Variants in ANO6 observed in about 807,000 individuals in gnomAD.
The protein encoded by ANO6 is anoctamin 6.
Under a neutral mutation model 117.5 loss-of-function variants are expected in ANO6, and 106 were observed. The observed-to-expected ratio is 0.90, with a 90% CI of 0.77 to 1.06. ANO6 has a LOEUF of 1.06. Among genes scored for constraint, ANO6 ranks in the 50% least tolerant of loss-of-function variants. ANO6 has a pLI of 0.00. For missense variants in ANO6, 955 were observed against 1,121.1 expected, an observed-to-expected ratio of 0.85 and a Z score of 2.12; for synonymous variants, 367 against 385.1, an observed-to-expected ratio of 0.95 and a Z score of 0.55.
intron 1 of ANO6, among the ~76,000 whole-genome samples, chr12:45,232,044 C>T (rs927461226): frequency 6.6e-6 from 1 of 152,184 alleles, no homozygotes; most frequent in African/African-American, 2.4e-5. Flanking sequence ...AAGCCCACTA[C>T]TTTTTGAAAA....
chr12:45,273,212 C>A (rs1419600271), intron 1 of ANO6, among the ~76,000 whole-genome samples: 1 of 152,050 alleles, frequency 6.6e-6, no homozygotes, highest in East Asian at 1.9e-4. Context: ...TTCTGGGGAT[C>A]TAATGTACAG....
chr12:45,238,846 T>C (rs1434162249), intron 1 of ANO6, among the ~76,000 whole-genome samples: 1 of 152,236 alleles, frequency 6.6e-6, no homozygotes, highest in Admixed American at 6.5e-5. Context: ...ATTACGTTTA[T>C]TGATTTGTGT....
At position 45,357,293 on chromosome 12, in the gene ANO6, A is replaced by C. The variant is rs1941435644; in HGVS notation, c.867A>C (p.Lys289Asn). Reference sequence around the variant, plus strand: ...AATAATTTCTGTCTTTCTTCAGGAAATACTATGGAGAGAAGATTGGAATCT... The same window carrying C: ...AATAATTTCTGTCTTTCTTCAGGAACTACTATGGAGAGAAGATTGGAATCT... ...YKKQPLDLIR[K>N]YYGEKIGIYF... The change falls in exon 8 of 20, where the codon AAA becomes AAC. Residue 289 changes from lysine (K) to asparagine (N), a missense_variant. By Grantham distance (94) the Lys-to-Asn change is moderately conservative. Coordinates refer to ENST00000320560, the MANE Select transcript of ANO6 (RefSeq NM_001025356.3). 1 of 1,613,636 alleles carries C rather than the reference A, an allele frequency of 6.2e-7. No homozygotes were observed. Among genetic ancestry groups the C allele is most frequent in the Non-Finnish European group, 8.5e-7 (1 of 1,179,972 alleles).
At chr12:45,292,912 C>A (rs1422793862) in intron 1 of ANO6, 1 of 1,551,314 alleles carries the variant, frequency 6.4e-7, no homozygotes, top group Admixed American at 2.0e-5. Context: ...TTTTGTTCTG[C>A]TGTGGAATGT....
At chr12:45,402,977 T>C in intron 13 of ANO6, 95 bp from the exon 14 acceptor site, 1 of 1,132,510 alleles carries the variant, frequency 8.8e-7, no homozygotes, top group South Asian at 1.3e-5. Context: ...TTTTTTAACG[T>C]GTTTAACGTG....
intron 1 of ANO6, among the ~76,000 whole-genome samples, chr12:45,250,148 C>G (rs1947880548): frequency 1.3e-5 from 2 of 152,152 alleles, no homozygotes; most frequent in South Asian, 4.1e-4. Flanking sequence ...TGGAGCAAAA[C>G]AATGACTGTA....
At chr12:45,385,847 TCAAAA>T (rs1036765677) in intron 10 of ANO6, among the ~76,000 whole-genome samples, 2 of 152,208 alleles carry the variant, frequency 1.3e-5, no homozygotes, top group Admixed American at 6.5e-5. Context: ...AAAGTAGTAG[TCAAAA>T]CAAACACTGC....
At chr12:45,244,247 A>G (rs1255142711) in intron 1 of ANO6, among the ~76,000 whole-genome samples, 4 of 152,144 alleles carry the variant, frequency 2.6e-5, no homozygotes, top group Admixed American at 2.0e-4. Flanking sequence ...CAGGCTTTTT[A>G]TAGGAGAGTA....
intron 1 of ANO6, among the ~76,000 whole-genome samples, chr12:45,287,140 A>G (rs1156638008): frequency 1.3e-5 from 2 of 152,228 alleles, no homozygotes; most frequent in African/African-American, 2.4e-5. Flanking sequence ...ACAGCAGGGC[A>G]AGCTAACAGA....
intron 1 of ANO6, among the ~76,000 whole-genome samples, chr12:45,280,759 CAGAAA>C (rs1442849105): frequency 6.6e-6 from 1 of 152,018 alleles, no homozygotes; most frequent in Non-Finnish European, 1.5e-5. Flanking sequence ...TTTCTTAAAT[CAGAAA>C]GGAAAGGAAA....
In ANO6 at chr12:45,431,111, T is replaced by A; in HGVS notation, c.*1800T>A. ...TAGGCTTTTGAATTGTCCCAGTGGA[T>A]CCGGGACCCCATTTCACTGTCTCTC... On this transcript the variant is annotated 3_prime_UTR_variant, in exon 20 of 20. Coordinates refer to ENST00000320560, the MANE Select transcript of ANO6 (RefSeq NM_001025356.3). 1.0e-6 allele frequency: 1 copy of A among 985,434 alleles called. No homozygotes were observed. Among genetic ancestry groups the A allele is most frequent in the Non-Finnish European group, 1.2e-6 (1 of 829,928 alleles). The allele number at this position is 985,434 out of a possible 1,614,324, so 61.0% of individuals were successfully genotyped here.
chr12:45,229,667 C>T (rs1012650796), intron 1 of ANO6, among the ~76,000 whole-genome samples: 1 of 152,146 alleles, frequency 6.6e-6, no homozygotes, highest in African/African-American at 2.4e-5. Context: ...GGATTACAGG[C>T]GTGAGCCACT....
At chr12:45,405,543 A>G (rs1229392285) in intron 15 of ANO6, among the ~76,000 whole-genome samples, 3 of 152,218 alleles carry the variant, frequency 2.0e-5, no homozygotes, top group Non-Finnish European at 4.4e-5. Context: ...GCCAAATTAG[A>G]GAGTGACTGG....
At chr12:45,239,969 C>T (rs529160125) in intron 1 of ANO6, among the ~76,000 whole-genome samples, 2 of 152,186 alleles carry the variant, frequency 1.3e-5, no homozygotes, top group East Asian at 3.9e-4. Context: ...AGTATAAGTG[C>T]TATATGGTGC....
intron 19 of ANO6, among the ~76,000 whole-genome samples, chr12:45,425,399 G>A (rs1943476340): frequency 6.6e-6 from 1 of 152,186 alleles, no homozygotes; most frequent in Non-Finnish European, 1.5e-5. Context: ...CAGAAAGCAT[G>A]ACATGCATCA....
chr12:45,408,013 C>T (rs534945744), intron 15 of ANO6, among the ~76,000 whole-genome samples: 16 of 152,210 alleles, frequency 1.1e-4, no homozygotes, highest in African/African-American at 3.9e-4. Context: ...ATAATTTCCC[C>T]TGAGTAAAGC....
At chr12:45,238,412 A>G (rs1947682848) in intron 1 of ANO6, among the ~76,000 whole-genome samples, 1 of 151,934 alleles carries the variant, frequency 6.6e-6, no homozygotes, top group South Asian at 2.1e-4. Context: ...CAGCCTCCCA[A>G]AGTGCTGGGA....
intron 1 of ANO6, among the ~76,000 whole-genome samples, chr12:45,248,979 A>G (rs1376832731): frequency 1.3e-5 from 2 of 152,176 alleles, no homozygotes; most frequent in Non-Finnish European, 2.9e-5. Flanking sequence ...CTGCTTCCTG[A>G]GTCAGGATGG....
intron 19 of ANO6, among the ~76,000 whole-genome samples, chr12:45,439,122 G>C (rs192001007): frequency 2.0e-5 from 3 of 152,290 alleles, no homozygotes; most frequent in Admixed American, 2.0e-4. Flanking sequence ...CTGATGGTGA[G>C]CTGTGAGGAC....
Sources: gnomAD v4.1 joint callset for allele counts (sites outside exome capture counted in the v4.1 genomes callset) on GRCh38, gnomAD v4.1.1 for gene constraint, MANE v1.5 for transcripts, NCBI Gene and HGNC (gene_info 2026-07-23, HGNC 2026-07-21) for gene names.